Variants in RBMS3 observed in about 807,000 individuals in gnomAD.
RBMS3 encodes RNA binding motif single stranded interacting protein 3, also known as RNA-binding motif, single-stranded-interacting protein 3.
A neutral mutation model predicts 66.8 loss-of-function variants in RBMS3; 27 were observed. The ratio of observed to expected loss-of-function variants is 0.40; its 90% CI spans 0.30 to 0.56. RBMS3 has a LOEUF of 0.56. Among genes scored for constraint, RBMS3 ranks in the 20% least tolerant of loss-of-function variants. RBMS3 has a pLI of 0.40. For synonymous variants in RBMS3, 188 were observed against 183.0 expected, an observed-to-expected ratio of 1.03 and a Z score of -0.22; for missense variants, 513 against 549.5, an observed-to-expected ratio of 0.93 and a Z score of 0.66.
chr3:29,304,981 A>G (rs949933994), intron 1 of RBMS3, among the ~76,000 whole-genome samples: 5 of 151,964 alleles, frequency 3.3e-5, no homozygotes, highest in African/African-American at 9.6e-5. Context: ...CTTACCAACT[A>G]TCTTCTCTGC....
intron 1 of RBMS3, among the ~76,000 whole-genome samples, chr3:29,381,902 G>C (rs1286027912): frequency 6.6e-6 from 1 of 152,056 alleles, no homozygotes; most frequent in Non-Finnish European, 1.5e-5. Context: ...AAGAAAACAG[G>C]GCCTAGCATA....
In RBMS3 at chr3:29,372,882, G is replaced by GA. The variant is rs201869825; in HGVS notation, c.76-61850dup. On this transcript the variant is annotated intron_variant, in intron 1 of 14. Coordinates refer to ENST00000383767, the MANE Select transcript of RBMS3 (RefSeq NM_001003793.3). The stretch of plus-strand genomic sequence containing the variant: ...ATTATTGTGATGTTTCAGTGAGAGA[G>GA]AAAAAAAAAAACAAAAAAGAAAAAA... 8.5e-3 allele frequency among the ~76,000 whole-genome samples: 1,173 copies of GA among 138,296 alleles called. 11 individuals are homozygous for GA. Among genetic ancestry groups the GA allele is most frequent in the Non-Finnish European group, 0.013 (811 of 63,402 alleles). The allele number at this position is 138,296 out of a possible 152,430, so 90.7% of individuals were successfully genotyped here.
intron 3 of RBMS3, among the ~76,000 whole-genome samples, chr3:29,583,119 C>T (rs2047388794): frequency 6.6e-6 from 1 of 152,068 alleles, no homozygotes. Context: ...TATAAGTACG[C>T]TTTTTTCAAA....
intron 4 of RBMS3, among the ~76,000 whole-genome samples, chr3:29,719,411 A>AT (rs1382643811): frequency 2.0e-5 from 3 of 151,806 alleles, no homozygotes; most frequent in Non-Finnish European, 2.9e-5. Flanking sequence ...CAATATGTTC[A>AT]TTTTTTTTAC....
chr3:29,520,436 T>C (rs9810546), intron 3 of RBMS3, among the ~76,000 whole-genome samples: 54,683 of 152,010 alleles, frequency 0.36, 12,161 homozygotes, highest in African/African-American at 0.62. Flanking sequence ...TACTGATTTT[T>C]TAGATTTAAG....
intron 10 of RBMS3, among the ~76,000 whole-genome samples, chr3:29,910,552 G>A (rs1286035046): frequency 1.3e-5 from 2 of 151,908 alleles, no homozygotes; most frequent in Non-Finnish European, 2.9e-5. Flanking sequence ...ATGTCATTGG[G>A]ATACTTTATT....
intron 8 of RBMS3, among the ~76,000 whole-genome samples, chr3:29,886,890 C>A (rs2059884512): frequency 6.6e-6 from 1 of 151,628 alleles, no homozygotes; most frequent in Non-Finnish European, 1.5e-5. Context: ...GAGAGACAAC[C>A]TGAAGAAACT....
chr3:29,541,849 A>T (rs35904), intron 3 of RBMS3, among the ~76,000 whole-genome samples: 103,034 of 151,534 alleles, frequency 0.68, 35,871 homozygotes, highest in African/African-American at 0.84. Context: ...CCTCAGCCCT[A>T]CTGTCTCCTC....
intron 12 of RBMS3, among the ~76,000 whole-genome samples, chr3:29,987,312 GATGAATATGTGTGTT>G (rs1393754968): frequency 6.6e-5 from 10 of 152,154 alleles, no homozygotes; most frequent in Non-Finnish European, 1.5e-4. Context: ...GAAGGTGCAG[GATGAATATGTGTGTT>G]ATGAATATGG....
chr3:29,378,807 A>G (rs2038617804), intron 1 of RBMS3, among the ~76,000 whole-genome samples: 1 of 152,092 alleles, frequency 6.6e-6, no homozygotes, highest in South Asian at 2.1e-4. Context: ...TCCAGTGATC[A>G]TTCCTAATCA....
chr3:29,845,519 C>T (rs1317967074), intron 6 of RBMS3, among the ~76,000 whole-genome samples: 1 of 152,046 alleles, frequency 6.6e-6, no homozygotes, highest in Non-Finnish European at 1.5e-5. Flanking sequence ...TTGAGATTTC[C>T]TCATTTTTAT....
At chr3:29,364,792 C>T (rs1217206336) in intron 1 of RBMS3, among the ~76,000 whole-genome samples, 1 of 152,144 alleles carries the variant, frequency 6.6e-6, no homozygotes, top group East Asian at 1.9e-4. Flanking sequence ...TTTTAAGCTT[C>T]AGGTGCATAT....
chr3:29,991,828 C>T (rs1698894740), intron 14 of RBMS3: 1 of 152,070 alleles, frequency 6.6e-6, no homozygotes, highest in Admixed American at 6.6e-5. Context: ...TGTAGGGTTA[C>T]TTTGAATACA....
At chr3:29,608,478 T>C (rs372879041) in intron 4 of RBMS3, among the ~76,000 whole-genome samples, 1 of 152,042 alleles carries the variant, frequency 6.6e-6, no homozygotes, top group African/African-American at 2.4e-5. Flanking sequence ...AAGTCAAGAT[T>C]ATACAATTAC....
intron 4 of RBMS3, among the ~76,000 whole-genome samples, chr3:29,688,021 C>T (rs2051809221): frequency 1.3e-5 from 2 of 152,132 alleles, no homozygotes; most frequent in Non-Finnish European, 2.9e-5. Flanking sequence ...CGAATAATTA[C>T]CGTTAGTTTC....
chr3:29,438,831 C>T (rs1387736002), intron 2 of RBMS3, among the ~76,000 whole-genome samples: 1 of 152,024 alleles, frequency 6.6e-6, no homozygotes, highest in African/African-American at 2.4e-5. Flanking sequence ...ATATTATATT[C>T]TACTAGGGAA....
At chr3:29,453,958 GC>G (rs1044574301) in intron 2 of RBMS3, among the ~76,000 whole-genome samples, 1 of 152,130 alleles carries the variant, frequency 6.6e-6, no homozygotes, top group African/African-American at 2.4e-5. Context: ...AGAGAAACTG[GC>G]CCACAAGATA....
At chr3:29,401,898 A>C (rs1301113242) in intron 1 of RBMS3, among the ~76,000 whole-genome samples, 1 of 152,004 alleles carries the variant, frequency 6.6e-6, no homozygotes, top group African/African-American at 2.4e-5. Context: ...TAAAACTTGA[A>C]AAGGGGGAAT....
chr3:29,908,898 G>T lies in RBMS3; in HGVS notation c.939+9143G>T, dbSNP rs181690517. 4.2e-3 allele frequency among the ~76,000 whole-genome samples: 637 copies of T among 152,086 alleles called. 2 individuals are homozygous for T. Among genetic ancestry groups the T allele is most frequent in the South Asian group, 0.014 (69 of 4,828 alleles). On this transcript the variant is annotated intron_variant, in intron 10 of 14. Transcript: ENST00000383767. ...ATTGAAAAGGTACAGTTGAAAATTT[G>T]TCAAAATTTTAGTAATTATATAACC...
Sources: allele counts gnomAD v4.1 joint callset (sites outside exome capture counted in the v4.1 genomes callset), GRCh38; gene constraint gnomAD v4.1.1; transcripts MANE v1.5; gene names NCBI Gene and HGNC (gene_info 2026-07-23, HGNC 2026-07-21).